PODXL2: variants seen among roughly 807,000 people sequenced by gnomAD.
The protein encoded by PODXL2 is podocalyxin like 2.
A neutral mutation model predicts 53.4 loss-of-function variants in PODXL2; 17 were observed. The observed-to-expected ratio is 0.32, with a 90% CI of 0.22 to 0.48. The LOEUF (loss-of-function observed/expected upper bound fraction) is 0.48. Ranked by LOEUF, PODXL2 falls within the 20% of genes least tolerant of loss-of-function variation. PODXL2 has a pLI of 0.99. For synonymous variants in PODXL2, 311 were observed against 306.7 expected, an observed-to-expected ratio of 1.01 and a Z score of -0.15; for missense variants, 673 against 760.0, an observed-to-expected ratio of 0.89 and a Z score of 1.35.
intron 4 of PODXL2, among the ~76,000 whole-genome samples, chr3:127,663,814 C>G (rs138991817): frequency 3.5e-4 from 54 of 152,278 alleles, no homozygotes; most frequent in Non-Finnish European, 6.9e-4. Context: ...GTACTTGGGA[C>G]CCTTGAACTT....
intron 2 of PODXL2, among the ~76,000 whole-genome samples, chr3:127,653,667 AG>A (rs2074703470): frequency 8.9e-6 from 1 of 112,546 alleles, no homozygotes; most frequent in Non-Finnish European, 2.3e-5. Flanking sequence ...AAAAAAAAAG[AG>A]AGAAAGTGTC....
intron 1 of PODXL2, among the ~76,000 whole-genome samples, chr3:127,636,951 G>A (rs1009203482): frequency 6.6e-6 from 1 of 152,182 alleles, no homozygotes; most frequent in African/African-American, 2.4e-5. Context: ...AGCCTACCAA[G>A]TAGCTGGAGA....
chr3:127,632,863 T>C (rs1299021481), intron 1 of PODXL2, among the ~76,000 whole-genome samples: 3 of 152,212 alleles, frequency 2.0e-5, no homozygotes, highest in African/African-American at 4.8e-5. Context: ...TTTTTCTTTG[T>C]AATCGAGAGT....
intron 4 of PODXL2, among the ~76,000 whole-genome samples, chr3:127,663,198 C>T (rs2074777975): frequency 6.6e-6 from 1 of 152,192 alleles, no homozygotes; most frequent in Non-Finnish European, 1.5e-5. Flanking sequence ...AAACTTTCGA[C>T]CAGCTCATAT....
chr3:127,672,235 G>A, intron 7 of PODXL2, 33 bp from the exon 8 acceptor site: 1 of 1,524,874 alleles, frequency 6.6e-7, no homozygotes, highest in Non-Finnish European at 8.8e-7. Context: ...GGGCTGGCTC[G>A]CTCGCCCATG....
intron 2 of PODXL2, among the ~76,000 whole-genome samples, chr3:127,648,406 G>C (rs970284372): frequency 5.9e-5 from 9 of 152,162 alleles, no homozygotes; most frequent in African/African-American, 2.2e-4. Flanking sequence ...ATGTCCTTAG[G>C]ATGGGCCGAT....
chr3:127,644,756 A>G (rs1380591025), intron 2 of PODXL2, among the ~76,000 whole-genome samples: 2 of 152,210 alleles, frequency 1.3e-5, no homozygotes, highest in Non-Finnish European at 2.9e-5. Flanking sequence ...ACAGCTGCAT[A>G]CAGCTTGGCT....
chr3:127,661,219 C>A, intron 3 of PODXL2, 60 bp downstream of exon 3: 1 of 1,347,856 alleles, frequency 7.4e-7, no homozygotes, highest in South Asian at 1.3e-5. Context: ...CTGGCCATCC[C>A]CAGGGCTAGT....
intron 1 of PODXL2, among the ~76,000 whole-genome samples, chr3:127,634,192 A>G (rs372821406): frequency 1.3e-5 from 2 of 152,120 alleles, no homozygotes; most frequent in Admixed American, 6.5e-5. Flanking sequence ...CTCGGAGGCC[A>G]AGGTGGGCAG....
intron 2 of PODXL2, among the ~76,000 whole-genome samples, chr3:127,642,087 C>T (rs371289361): frequency 2.0e-5 from 3 of 151,760 alleles, no homozygotes; most frequent in African/African-American, 4.8e-5. Flanking sequence ...GTCCGGAGTT[C>T]GAGACCAGCC....
Position 127,661,091 on chromosome 3 carries a change from C to T in PODXL2, c.1063C>T (p.Leu355Phe), listed in dbSNP as rs752725771. 6.2e-7 allele frequency: 1 copy of T among 1,614,228 alleles called. No individual in the cohort carries two copies. Among genetic ancestry groups the T allele is most frequent in the South Asian group, 1.1e-5 (1 of 91,090 alleles). ...PSSATLGQED[L>F]NQQLLEGQAA... Reference sequence around the variant, plus strand: ...CTCTGCTACCTTGGGACAAGAAGATCTCAACCAGCAGCTCCTAGAAGGGCA... The same window carrying T: ...CTCTGCTACCTTGGGACAAGAAGATTTCAACCAGCAGCTCCTAGAAGGGCA... Residue 355 changes from leucine to phenylalanine, a missense_variant, in exon 3 of 8, where the codon CTC becomes TTC. Physicochemically the swap from Leu to Phe is conservative, Grantham distance 22 (BLOSUM62 0). Coordinates refer to ENST00000342480, the MANE Select transcript of PODXL2 (RefSeq NM_015720.4).
intron 4 of PODXL2, among the ~76,000 whole-genome samples, chr3:127,663,843 C>T (rs2074781221): frequency 6.6e-6 from 1 of 152,176 alleles, no homozygotes; most frequent in African/African-American, 2.4e-5. Flanking sequence ...CATACTTGAA[C>T]AATACAGCCT....
At chr3:127,643,228 G>A (rs1668744686) in intron 2 of PODXL2, among the ~76,000 whole-genome samples, 1 of 150,738 alleles carries the variant, frequency 6.6e-6, no homozygotes, top group Admixed American at 6.6e-5. Flanking sequence ...TTTTTTCTTC[G>A]AGATGGAGTT....
At chr3:127,637,069 C>T (rs1376897557) in intron 1 of PODXL2, among the ~76,000 whole-genome samples, 2 of 152,194 alleles carry the variant, frequency 1.3e-5, no homozygotes, top group Non-Finnish European at 2.9e-5. Context: ...GTGATCCGCC[C>T]GCCTCGGCCT....
chr3:127,659,056 T>C (rs1160538346), intron 2 of PODXL2, among the ~76,000 whole-genome samples: 7 of 152,208 alleles, frequency 4.6e-5, no homozygotes, highest in Non-Finnish European at 2.9e-5. Context: ...AACTATTGAC[T>C]TTCAATATCC....
In PODXL2 at chr3:127,649,621, G is replaced by A. The variant is rs554453245; in HGVS notation, c.349+10098G>A. On this transcript the variant is annotated intron_variant, in intron 2 of 7. Coordinates refer to ENST00000342480, the MANE Select transcript of PODXL2 (RefSeq NM_015720.4). ...GCAGTTTACTTTATATTCCTTTGAT[G>A]ACTATTGAGGTTGACTATCAAAAAG... 7.8e-4 allele frequency among the ~76,000 whole-genome samples: 119 copies of A among 152,314 alleles called. 1 individual carries two copies. The highest frequency in any genetic ancestry group is 2.7e-3 in the African/African-American group (114 of 41,574).
chr3:127,632,812 C>T (rs990740177), intron 1 of PODXL2, among the ~76,000 whole-genome samples: 3 of 152,212 alleles, frequency 2.0e-5, no homozygotes, highest in Non-Finnish European at 4.4e-5. Flanking sequence ...AAGGGCCTAA[C>T]ACACTGTTTG....
chr3:127,630,812 C>T (rs2074540425), intron 1 of PODXL2, among the ~76,000 whole-genome samples: 1 of 152,212 alleles, frequency 6.6e-6, no homozygotes, highest in Admixed American at 6.5e-5. Context: ...TTCTTTCACG[C>T]CGTAAATCCT....
rs1288067749 is a variant in PODXL2 at position 127,639,806 on chromosome 3, AC to A, written c.349+289del. Among the ~76,000 whole-genome samples, 3 of 152,088 alleles carry A rather than the reference AC, an allele frequency of 2.0e-5. No individual in the cohort carries two copies. In the East Asian group the frequency reaches 5.8e-4, roughly 29 times the overall value. On this transcript the variant is annotated intron_variant, in intron 2 of 7. Transcript: ENST00000342480. ...TATAACCTGAGAGATAAGTAATATG[AC>A]CCCCCTTGTAGACAAGAAAACACTG...
Sources: allele counts gnomAD v4.1 joint callset (sites outside exome capture counted in the v4.1 genomes callset), GRCh38; gene constraint gnomAD v4.1.1; transcripts MANE v1.5; gene names NCBI Gene and HGNC (gene_info 2026-07-23, HGNC 2026-07-21).